SPRYD7: variants seen among roughly 807,000 people sequenced by gnomAD.
SPRYD7 encodes the protein SPRY domain-containing protein 7.
Under a neutral mutation model 23.8 loss-of-function variants are expected in SPRYD7, and 14 were observed. The ratio of observed to expected loss-of-function variants is 0.59; its 90% CI spans 0.39 to 0.92. The LOEUF is 0.92. Ranked by LOEUF, SPRYD7 falls within the 40% of genes least tolerant of loss-of-function variation. The pLI is 0.00. For missense variants in SPRYD7, 194 were observed against 241.7 expected (o/e 0.80, Z 1.31); for synonymous variants, 75 against 84.9 (o/e 0.88, Z 0.64).
chr13:49,922,944 G>A (rs879499909), intron 3 of SPRYD7, among the ~76,000 whole-genome samples: 24 of 152,124 alleles, frequency 1.6e-4, no homozygotes, highest in Admixed American at 8.5e-4. Context: ...CAAAGCCAGG[G>A]TTAACTTAAA....
At chr13:49,920,676 T>C (rs760333797) in intron 4 of SPRYD7, among the ~76,000 whole-genome samples, 4 of 152,136 alleles carry the variant, frequency 2.6e-5, no homozygotes, top group Non-Finnish European at 5.9e-5. Flanking sequence ...AAAAGGTCCT[T>C]ATGGCTGGGC....
At chr13:49,921,739 G>A (rs1955824071) in intron 3 of SPRYD7, among the ~76,000 whole-genome samples, 159 bp from the exon 4 acceptor site, 1 of 152,188 alleles carries the variant, frequency 6.6e-6, no homozygotes, top group Non-Finnish European at 1.5e-5. Flanking sequence ...CTAAAAAAAT[G>A]AGTAGTGATT....
Position 49,921,658 on chromosome 13 carries a change from A to G in SPRYD7, c.391-78T>C. On this transcript the variant is annotated intron_variant, in intron 3 of 4. Transcript: ENST00000361840. ...TTGACTGGGAAGTATGGAAACACAA[A>G]AAGCTAAGCATAGGCTGACAACAAT... is the stretch of plus-strand genomic sequence containing the variant. The G allele has an allele frequency of 3.4e-6, 3 of 883,222 alleles. No individual in the cohort carries two copies. In the South Asian group the frequency reaches 4.2e-5, roughly 12 times the overall value. The allele number at this position is 883,222 out of a possible 1,614,324, so 54.7% of individuals were successfully genotyped here. A position where few individuals can be genotyped will look rare whatever the true frequency, so the allele number is the denominator to read the frequency against.
chr13:49,935,883 G>T (rs1456503851), intron 1 of SPRYD7: 1 of 321,924 alleles, frequency 3.1e-6, no homozygotes, highest in African/African-American at 2.1e-5. Context: ...CGAGATTCCT[G>T]TGAAAATGGG....
At chr13:49,926,638 A>T (rs1157888507) in intron 3 of SPRYD7, among the ~76,000 whole-genome samples, 1 of 152,264 alleles carries the variant, frequency 6.6e-6, no homozygotes, top group African/African-American at 2.4e-5. Flanking sequence ...AAGAGAAGAA[A>T]GATCAGGCCG....
Position 49,936,174 on chromosome 13 carries a change from G to A in SPRYD7, c.62C>T (p.Pro21Leu). The A allele has an allele frequency of 6.2e-7, 1 of 1,609,872 alleles. No homozygotes were observed. The highest frequency in any genetic ancestry group is 8.5e-7 in the Non-Finnish European group (1 of 1,178,956). The change falls in exon 1 of 5, where the codon CCT (proline) becomes CTT (leucine). Residue 21 changes from proline to leucine, a missense_variant. Pro to Leu is a moderately conservative substitution (Grantham distance 98). Transcript: ENST00000361840. The stretch of plus-strand genomic sequence containing the variant: ...CTGCACGGCCGGCATCTCCTTCAGA[G>A]GGATGTGGCCAGTCCCCCCGTCTCT... ...CCRDGGTGHIPLKEMPAVQLD... is the reference protein window; with the variant it reads ...CCRDGGTGHILLKEMPAVQLD...
At chr13:49,931,791 A>C (rs1464052942) in intron 1 of SPRYD7, among the ~76,000 whole-genome samples, 1 of 151,904 alleles carries the variant, frequency 6.6e-6, no homozygotes, top group Admixed American at 6.6e-5. Context: ...TCTATAAAAA[A>C]TACAAAAATT....
At chr13:49,922,889 G>A (rs978384400) in intron 3 of SPRYD7, among the ~76,000 whole-genome samples, 4 of 152,010 alleles carry the variant, frequency 2.6e-5, no homozygotes, top group Admixed American at 1.3e-4. Context: ...CAAAAGCCCA[G>A]AGAAGCTAAT....
chr13:49,936,031 C>G (rs1170805863), intron 1 of SPRYD7, 99 bp downstream of exon 1: 12 of 602,338 alleles, frequency 2.0e-5, no homozygotes, highest in East Asian at 8.3e-5. Flanking sequence ...GTCGCCGGCG[C>G]GGCGGGGCAG....
At chr13:49,919,355 C>A (rs1218621505) in intron 4 of SPRYD7, among the ~76,000 whole-genome samples, 1 of 152,016 alleles carries the variant, frequency 6.6e-6, no homozygotes, top group African/African-American at 2.4e-5. Flanking sequence ...ACCATCCTGG[C>A]CAACATGGTG....
intron 2 of SPRYD7, 88 bp downstream of exon 2, chr13:49,930,930 A>C (rs1458298624): frequency 5.2e-6 from 4 of 770,418 alleles, no homozygotes; most frequent in Non-Finnish European, 8.2e-6. Flanking sequence ...CTTTTATATT[A>C]CCTTCTGAAT....
At chr13:49,925,857 T>C (rs1045761936) in intron 3 of SPRYD7, among the ~76,000 whole-genome samples, 5 of 151,662 alleles carry the variant, frequency 3.3e-5, no homozygotes, top group Admixed American at 1.3e-4. Context: ...AACTGTTTCA[T>C]GTATGTCTTT....
intron 2 of SPRYD7, among the ~76,000 whole-genome samples, chr13:49,930,524 T>C: frequency 6.6e-6 from 1 of 151,072 alleles, no homozygotes; most frequent in East Asian, 1.9e-4. Flanking sequence ...GAGGTTGCCG[T>C]GAGTCAAGAC....
intron 4 of SPRYD7, among the ~76,000 whole-genome samples, chr13:49,916,125 G>A (rs1161830014): frequency 6.6e-6 from 1 of 152,042 alleles, no homozygotes; most frequent in Non-Finnish European, 1.5e-5. Context: ...CCCTGGTGAT[G>A]ACAAAACAAA....
At chr13:49,919,699 T>A (rs570469032) in intron 4 of SPRYD7, among the ~76,000 whole-genome samples, 85 of 140,120 alleles carry the variant, frequency 6.1e-4, no homozygotes, top group Admixed American at 1.0e-3. Flanking sequence ...TGCACTCCAG[T>A]CTGGGTGACA....
At chr13:49,920,007 T>C (rs916121698) in intron 4 of SPRYD7, among the ~76,000 whole-genome samples, 7 of 151,934 alleles carry the variant, frequency 4.6e-5, no homozygotes, top group Non-Finnish European at 8.8e-5. Context: ...CTGATGGGTA[T>C]ATGAGGGTTT....
At chr13:49,928,495 A>G (rs904763138) in intron 2 of SPRYD7, among the ~76,000 whole-genome samples, 2 of 152,234 alleles carry the variant, frequency 1.3e-5, no homozygotes, top group Non-Finnish European at 2.9e-5. Flanking sequence ...TTCTCCACAG[A>G]TGTAGTACAG....
chr13:49,934,013 C>T (rs1375214091), intron 1 of SPRYD7, among the ~76,000 whole-genome samples: 1 of 151,520 alleles, frequency 6.6e-6, no homozygotes, highest in African/African-American at 2.4e-5. Context: ...TAAGTGACAA[C>T]CCTCGGAGAA....
At chr13:49,924,441 A>G (rs1325452729) in intron 3 of SPRYD7, among the ~76,000 whole-genome samples, 2 of 151,890 alleles carry the variant, frequency 1.3e-5, no homozygotes, top group Admixed American at 1.3e-4. Context: ...ATGCCCGGCT[A>G]ATTTTCTTTT....
Sources: allele counts gnomAD v4.1 joint callset (sites outside exome capture counted in the v4.1 genomes callset), GRCh38; gene constraint gnomAD v4.1.1; transcripts MANE v1.5; gene names NCBI Gene and HGNC (gene_info 2026-07-23, HGNC 2026-07-21).